Variants in ECM2 observed in about 807,000 individuals in gnomAD.
ECM2 encodes extracellular matrix protein 2, also known as extracellular matrix protein 2, female organ and adipocyte specific.
A neutral mutation model predicts 67.5 loss-of-function variants in ECM2; 57 were observed. That is an observed-to-expected ratio of 0.84 (90% confidence interval 0.68 to 1.05). The LOEUF is 1.05. Ranked by LOEUF, ECM2 falls within the 50% of genes least tolerant of loss-of-function variation. ECM2 has a pLI of 0.00. For synonymous variants in ECM2, 258 were observed against 294.5 expected (o/e 0.88, Z 1.27); for missense variants, 741 against 822.8 (o/e 0.90, Z 1.22).
chr9:92,552,062 GTGATA>G, the ECM2 span, among the ~76,000 whole-genome samples: 2 of 127,750 alleles, frequency 1.6e-5, no homozygotes, highest in South Asian at 4.6e-4. Flanking sequence ...TATCATATAT[GTGATA>G]TGATAGATCT....
At chr9:92,502,465 G>A (rs1281496962) in intron 8 of ECM2, 48 bp downstream of exon 8, 2 of 1,593,046 alleles carry the variant, frequency 1.3e-6, no homozygotes, top group South Asian at 2.2e-5. Flanking sequence ...TAATAATAGC[G>A]AGAGGAAGAA....
At chr9:92,531,418 T>G (rs1057316394) in intron 1 of ECM2, among the ~76,000 whole-genome samples, 1 of 152,226 alleles carries the variant, frequency 6.6e-6, no homozygotes, top group African/African-American at 2.4e-5. Context: ...TCTGTTTCAG[T>G]TCTGTGTTTT....
chr9:92,545,234 C>T, the ECM2 span, among the ~76,000 whole-genome samples: 2 of 151,936 alleles, frequency 1.3e-5, no homozygotes, highest in African/African-American at 4.8e-5. Context: ...CTGGGATGGC[C>T]GAGGCCGGAG....
At chr9:92,536,955 C>G (rs575224002), upstream of ECM2, among the ~76,000 whole-genome samples, 9 of 151,554 alleles carry the variant, frequency 5.9e-5, no homozygotes, top group African/African-American at 2.2e-4. Flanking sequence ...CTGAAACCTC[C>G]GCCTCCCAGG....
upstream of ECM2, among the ~76,000 whole-genome samples, chr9:92,539,535 A>G (rs941416174): frequency 2.0e-5 from 3 of 152,116 alleles, no homozygotes; most frequent in Non-Finnish European, 4.4e-5. Context: ...TTGGGTTTGC[A>G]GAAATTAAGT....
upstream of ECM2, among the ~76,000 whole-genome samples, chr9:92,540,334 AGG>A (rs1491567948): frequency 1.3e-5 from 2 of 151,724 alleles, no homozygotes; most frequent in African/African-American, 4.8e-5. Context: ...GCTACTTGGG[AGG>A]CTGAGGCAGG....
the ECM2 span, among the ~76,000 whole-genome samples, chr9:92,556,757 G>A: frequency 8.3e-4 from 127 of 152,254 alleles, no homozygotes; most frequent in African/African-American, 2.7e-3. Flanking sequence ...TGAAGGCAGC[G>A]GATAGTTGGT....
At chr9:92,546,311 A>G in the ECM2 span, among the ~76,000 whole-genome samples, 1 of 152,224 alleles carries the variant, frequency 6.6e-6, no homozygotes, top group African/African-American at 2.4e-5. Flanking sequence ...TGCCCAAGCT[A>G]GCCCTGACAA....
intron 2 of ECM2, 63 bp from the exon 3 acceptor site, chr9:92,517,938 A>C (rs1208296598): frequency 1.3e-6 from 2 of 1,586,664 alleles, no homozygotes; most frequent in East Asian, 2.2e-5. Flanking sequence ...TGTGAATGGA[A>C]GTAAACACAA....
intron 4 of ECM2, 40 bp from the exon 5 acceptor site, chr9:92,512,166 A>G: frequency 1.4e-6 from 2 of 1,409,518 alleles, no homozygotes; most frequent in Non-Finnish European, 2.0e-6. Flanking sequence ...ATGTGTGCAT[A>G]TACATACATG....
At chr9:92,551,964 G>GA in the ECM2 span, among the ~76,000 whole-genome samples, 1 of 105,538 alleles carries the variant, frequency 9.5e-6, no homozygotes, top group African/African-American at 6.0e-5. Context: ...ATATATATAT[G>GA]TGTGATATAT....
At position 92,515,102 on chromosome 9, in the gene ECM2, G is replaced by A; in HGVS notation, c.583C>T (p.Leu195=). The A allele has an allele frequency of 1.9e-6, 3 of 1,614,024 alleles. No homozygotes were observed. Among genetic ancestry groups the A allele is most frequent in the Non-Finnish European group, 2.5e-6 (3 of 1,180,024 alleles). The change falls in exon 4 of 10, where the codon CTG becomes TTG. Residue 195 remains leucine, a synonymous_variant. Coordinates refer to ENST00000344604, the MANE Select transcript of ECM2 (RefSeq NM_001393.4). ...TCCATTCCCACCTGAGGAGGTGGCA[G>A]TTGCTTATGAAGTAAATTGGTAGGT... ...REPTNLLHKQ[L]PPPQVGMDRI...
intron 1 of ECM2, among the ~76,000 whole-genome samples, chr9:92,525,639 C>G (rs1848348690): frequency 6.6e-6 from 1 of 151,996 alleles, no homozygotes; most frequent in Non-Finnish European, 1.5e-5. Context: ...GCCTATAATC[C>G]CAGCACTTTG....
Position 92,496,065 on chromosome 9 carries a change from C to A in ECM2, c.*250G>T. The A allele has an allele frequency of 9.1e-7, 1 of 1,100,882 alleles. No homozygotes were observed. Among genetic ancestry groups the A allele is most frequent in the Non-Finnish European group, 1.1e-6 (1 of 906,560 alleles). The allele number at this position is 1,100,882 out of a possible 1,614,324, so 68.2% of individuals were successfully genotyped here. A position where few individuals can be genotyped will look rare whatever the true frequency, so the allele number is the denominator to read the frequency against. ...GGTCTAGCTCAGTATGCATAATATCCTATTCTAGTGAGATGGCCTCTTTCT... is the reference window on the plus strand; with the variant it reads ...GGTCTAGCTCAGTATGCATAATATCATATTCTAGTGAGATGGCCTCTTTCT... On this transcript the variant is annotated 3_prime_UTR_variant, in exon 10 of 10. Coordinates refer to ENST00000344604, the MANE Select transcript of ECM2 (RefSeq NM_001393.4).
At chr9:92,493,991 G>A (rs1400738613), downstream of ECM2, 2 of 1,324,896 alleles carry the variant, frequency 1.5e-6, no homozygotes, top group Admixed American at 1.8e-5. Context: ...GCGGCCCTCA[G>A]GCCCCAGTGT....
At chr9:92,540,736 A>C (rs1387381479), upstream of ECM2, among the ~76,000 whole-genome samples, 1 of 151,456 alleles carries the variant, frequency 6.6e-6, no homozygotes. Flanking sequence ...ACACCACTGC[A>C]CTCTAGCCTG....
At position 92,512,066 on chromosome 9, in the gene ECM2, A is replaced by G. The variant is rs1847379820; in HGVS notation, c.1115T>C (p.Leu372Pro). ...AFNGLPNLERLDLSKNNITSS... is the reference protein window; with the variant it reads ...AFNGLPNLERPDLSKNNITSS... ...AGTGATATTATTTTTACTCAGATCA[A>G]GCCTTTCCAAATTTGGTAATCCATT... The change falls in exon 5 of 10, where the codon CTT becomes CCT. Residue 372 changes from leucine to proline, a missense_variant. By Grantham distance (98) the Leu-to-Pro change is moderately conservative. Coordinates refer to ENST00000344604, the MANE Select transcript of ECM2 (RefSeq NM_001393.4). The G allele has an allele frequency of 3.1e-6, 5 of 1,613,948 alleles. No individual in the cohort carries two copies. Among genetic ancestry groups the G allele is most frequent in the East Asian group, 2.2e-5 (1 of 44,866 alleles).
chr9:92,555,003 TTTGTTGTTGTTGTTGTTGTTG>T, the ECM2 span, among the ~76,000 whole-genome samples: 555 of 149,822 alleles, frequency 3.7e-3, 3 homozygotes, highest in African/African-American at 0.013. Context: ...GTCTGTATTG[TTTGTTGTTGTTGTTGTTGTTG>T]TTGTTGTTGT....
chr9:92,504,805 C>T (rs1316028500), intron 7 of ECM2, among the ~76,000 whole-genome samples: 1 of 152,184 alleles, frequency 6.6e-6, no homozygotes, highest in Non-Finnish European at 1.5e-5. Flanking sequence ...TCCCAGAGTG[C>T]TGGGATTACT....
Sources: allele counts gnomAD v4.1 joint callset (sites outside exome capture counted in the v4.1 genomes callset), GRCh38; gene constraint gnomAD v4.1.1; transcripts MANE v1.5; gene names NCBI Gene and HGNC (gene_info 2026-07-23, HGNC 2026-07-21).